ATP7A: variants seen among roughly 807,000 people sequenced by gnomAD.
The protein encoded by ATP7A is ATPase copper transporting alpha.
ATP7A carries 7 observed loss-of-function variants against 83.5 expected under a neutral mutation model. That is an observed-to-expected ratio of 0.08 (90% CI 0.05 to 0.16). The LOEUF is 0.16. Among genes scored for constraint, ATP7A ranks in the 10% least tolerant of loss-of-function variants. The probability of loss-of-function intolerance (pLI) is 1.00; values close to 1 mark genes in which losing one functional copy is unlikely to be tolerated. For synonymous variants in ATP7A, 354 were observed against 395.2 expected, an observed-to-expected ratio of 0.90 and a Z score of 1.24; for missense variants, 940 against 1,120.8, an observed-to-expected ratio of 0.84 and a Z score of 2.30.
intron 1 of ATP7A, among the ~76,000 whole-genome samples, chrX:77,941,752 A>G (rs1371434741): frequency 9.0e-6 from 1 of 111,658 alleles, no homozygotes; most frequent in Non-Finnish European, 1.9e-5. Flanking sequence ...TTTTTTTCCC[A>G]GTTATCTTAA....
At chrX:78,013,230 G>A (rs1239819002) in intron 10 of ATP7A, 118 bp downstream of exon 10, 12 of 669,388 alleles carry the variant, frequency 1.8e-5, no homozygotes, top group South Asian at 5.0e-5. Context: ...ACTGAAAGAC[G>A]TATTTTCATT....
chrX:77,988,360 C>T lies in ATP7A; in HGVS notation c.239C>T (p.Pro80Leu), dbSNP rs782602356. ...GATGCTGTTATCCATAATCCTGACC[C>T]TCTCCCTGTTTTAACTGACACCTTG... ...GFDAVIHNPD[P>L]LPVLTDTLFL... is the part of the protein sequence containing the mutation. Residue 80 changes from proline to leucine, a missense_variant, in exon 3 of 23, where the codon CCT (proline) becomes CTT (leucine). This residue lies in a region of ATP7A where 350 missense variants were observed against 432.8 expected (regional missense o/e 0.81). Coordinates refer to ENST00000341514, the MANE Select transcript of ATP7A (RefSeq NM_000052.7). 285 of 1,209,018 alleles carry T rather than the reference C, an allele frequency of 2.4e-4. No homozygotes were observed. In the South Asian group the frequency reaches 4.8e-3, roughly 20 times the overall value.
At chrX:77,999,679 G>A (rs1603383157) in intron 5 of ATP7A, among the ~76,000 whole-genome samples, 2 of 111,225 alleles carry the variant, frequency 1.8e-5, no homozygotes, top group Admixed American at 9.6e-5. Context: ...CGAGGTGGGC[G>A]GATCGCCTGA....
At chrX:78,039,480 G>A (rs1272090954) in intron 18 of ATP7A, among the ~76,000 whole-genome samples, 4 of 110,514 alleles carry the variant, frequency 3.6e-5, no homozygotes, top group South Asian at 3.8e-4. Context: ...TTACAGGCGC[G>A]CACCACCATG....
chrX:77,949,511 T>C (rs2077402025), intron 1 of ATP7A, among the ~76,000 whole-genome samples: 2 of 112,157 alleles, frequency 1.8e-5, no homozygotes, highest in African/African-American at 6.5e-5. Context: ...TGCTGTTATT[T>C]AATCAACGTA....
rs781801536 is a variant in ATP7A, at chrX:77,928,103, A to C, written c.-22+17268A>C. Reference sequence around the variant, plus strand: ...CAGCCTCACGAGTAGCTGGGACTACAGGTATGCACCACCACACCCGGCTAA... The same window carrying C: ...CAGCCTCACGAGTAGCTGGGACTACCGGTATGCACCACCACACCCGGCTAA... On this transcript the variant is annotated intron_variant, in intron 1 of 22. Transcript: ENST00000341514. Among the ~76,000 whole-genome samples the C allele has an allele frequency of 6.3e-5, 7 of 110,391 alleles. No homozygotes were observed. The East Asian group carries it at 1.1e-3, about 18-fold the overall frequency.
intron 1 of ATP7A, among the ~76,000 whole-genome samples, chrX:77,934,468 G>GT (rs1466622902): frequency 8.9e-6 from 1 of 111,736 alleles, no homozygotes; most frequent in Non-Finnish European, 1.9e-5. Context: ...ATTAACAATG[G>GT]TTTTTTCTTA....
intron 4 of ATP7A, among the ~76,000 whole-genome samples, chrX:77,997,137 G>A (rs1376151268): frequency 8.0e-5 from 9 of 112,253 alleles, no homozygotes; most frequent in Admixed American, 1.9e-4. Context: ...GTGTTCCCAT[G>A]TGACAGACTT....
intron 2 of ATP7A, among the ~76,000 whole-genome samples, chrX:77,985,646 G>GTT (rs113354945): frequency 9.1e-6 from 1 of 109,317 alleles, no homozygotes; most frequent in Non-Finnish European, 1.9e-5. Flanking sequence ...TTATTTAATA[G>GTT]TTTTTTTTGT....
At chrX:78,011,154 T>G in intron 7 of ATP7A, 22 bp from the exon 8 acceptor site, 35 of 1,184,962 alleles carry the variant, frequency 3.0e-5, no homozygotes, top group Non-Finnish European at 4.0e-5. Context: ...TGAAATAATT[T>G]TTTTCTCATG....
intron 14 of ATP7A, among the ~76,000 whole-genome samples, chrX:78,023,577 G>GT (rs201515097): frequency 0.018 from 1,958 of 109,523 alleles, 24 homozygotes; most frequent in Non-Finnish European, 0.029. Context: ...TTTTTCATGT[G>GT]TTTTTTTTTA....
rs782036067 is a variant in ATP7A at position 78,021,676 on chromosome X, G to A, written c.2916+597G>A. Among the ~76,000 whole-genome samples, 18 of 111,677 alleles carry A rather than the reference G, an allele frequency of 1.6e-4. No individual in the cohort carries two copies. In the East Asian group the frequency reaches 4.2e-3, roughly 26 times the overall value. The stretch of plus-strand genomic sequence containing the variant: ...ATTAGATATATAAACTTTAAGTCAT[G>A]TAAGTTTTACTATCCTCAGTTCTCT... On this transcript the variant is annotated intron_variant, in intron 14 of 22. Transcript: ENST00000341514.
chrX:78,048,906 T>G lies in ATP7A; in HGVS notation c.*2336T>G, dbSNP rs1239651092. The G allele has an allele frequency of 8.9e-6, 1 of 111,775 alleles. No homozygotes were observed. The highest frequency in any genetic ancestry group is 3.2e-5 in the African/African-American group (1 of 30,775). 9.2% of individuals were successfully genotyped at this position (111,775 alleles called of 1,213,427 possible). On this transcript the variant is annotated 3_prime_UTR_variant, in exon 23 of 23. Coordinates refer to ENST00000341514, the MANE Select transcript of ATP7A (RefSeq NM_000052.7). ...ACACAGCCAGTTATTCTTCCATTAT[T>G]ATGTGTACCTTGGAGTCATCCTCTT...
intron 1 of ATP7A, among the ~76,000 whole-genome samples, chrX:77,951,334 T>C (rs1397076171): frequency 8.9e-6 from 1 of 112,003 alleles, no homozygotes; most frequent in Non-Finnish European, 1.9e-5. Flanking sequence ...TTCCTAGTAT[T>C]TTTTACTTTT....
chrX:77,960,466 A>T (rs2149066228), intron 1 of ATP7A, among the ~76,000 whole-genome samples: 1 of 112,714 alleles, frequency 8.9e-6, no homozygotes, highest in East Asian at 2.8e-4. Context: ...ATTATTGAGA[A>T]TACAGGAGCC....
chrX:77,939,342 A>G (rs192697448), intron 1 of ATP7A, among the ~76,000 whole-genome samples: 2 of 111,239 alleles, frequency 1.8e-5, no homozygotes, highest in East Asian at 5.6e-4. Flanking sequence ...GCTCTGATGA[A>G]TATTCCTATA....
At chrX:78,008,425 A>T (rs2077792393) in intron 6 of ATP7A, among the ~76,000 whole-genome samples, 1 of 111,602 alleles carries the variant, frequency 9.0e-6, no homozygotes, top group Admixed American at 9.6e-5. Flanking sequence ...CACTCAAGAT[A>T]TAGGGAAAGA....
rs782638418 is a variant in ATP7A at position 77,989,555 on chromosome X, T to C, written c.933T>C (p.Ser311=). The change falls in exon 4 of 23, where the codon TCT becomes TCC. Residue 311 remains serine, a synonymous_variant. Transcript: ENST00000341514. Reference sequence around the variant, plus strand: ...AATATGTAAGCAGCATAGTAGTTTCTTTAGAGAATAGGTCTGCCATTGTGA... The same window carrying C: ...AATATGTAAGCAGCATAGTAGTTTCCTTAGAGAATAGGTCTGCCATTGTGA... ...ALQYVSSIVV[S]LENRSAIVKY... The C allele has an allele frequency of 1.2e-5, 15 of 1,210,172 alleles. No individual in the cohort carries two copies. Among genetic ancestry groups the C allele is most frequent in the Non-Finnish European group, 1.7e-5 (15 of 895,199 alleles).
Position 78,040,667 on chromosome X carries a change from T to C in ATP7A, c.3735T>C (p.Ser1245=). 8.3e-7 allele frequency: 1 copy of C among 1,211,260 alleles called. No homozygotes were observed. Among genetic ancestry groups the C allele is most frequent in the East Asian group, 3.0e-5 (1 of 33,862 alleles). ...EAELAIHILK[S]MGLEVVLMTG... ...AACTGGCTATCCATATTCTGAAATC[T>C]ATGGGCTTAGAAGTAGTTCTGATGA... Residue 1245 remains serine, a synonymous_variant, in exon 19 of 23, where the codon TCT becomes TCC. Transcript: ENST00000341514.
Sources: allele counts gnomAD v4.1 joint callset (sites outside exome capture counted in the v4.1 genomes callset), GRCh38; gene constraint gnomAD v4.1.1; regional missense constraint gnomAD v4.1.1; transcripts MANE v1.5; gene names NCBI Gene and HGNC (gene_info 2026-07-23, HGNC 2026-07-21).